TEX11: variants seen among roughly 807,000 people sequenced by gnomAD.
The protein encoded by TEX11 is testis expressed 11, also known as testis-expressed protein 11.
In TEX11, 7 loss-of-function variants were observed where a neutral mutation model predicts 84.4. The ratio of observed to expected loss-of-function variants is 0.08; its 90% CI spans 0.05 to 0.16. TEX11 has a LOEUF of 0.16. Among genes scored for constraint, TEX11 ranks in the 10% least tolerant of loss-of-function variants. TEX11 has a pLI of 1.00. For synonymous variants in TEX11, 264 were observed against 222.8 expected, an observed-to-expected ratio of 1.18 and a Z score of -1.64; for missense variants, 551 against 660.5, an observed-to-expected ratio of 0.83 and a Z score of 1.82.
At chrX:70,856,464 C>A (rs1174046984) in intron 5 of TEX11, among the ~76,000 whole-genome samples, 1 of 110,295 alleles carries the variant, frequency 9.1e-6, no homozygotes, top group Non-Finnish European at 1.9e-5. Context: ...TTGCATATAA[C>A]CTATACACAT....
chrX:70,593,056 A>AACACACACACAC (rs56116828), intron 24 of TEX11, among the ~76,000 whole-genome samples: 1 of 95,976 alleles, frequency 1.0e-5, no homozygotes, highest in African/African-American at 3.8e-5. Flanking sequence ...AGAGCATTTT[A>AACACACACACAC]ACACACACAC....
chrX:70,781,378 T>G (rs1372902275), intron 9 of TEX11, among the ~76,000 whole-genome samples: 1 of 111,877 alleles, frequency 8.9e-6, no homozygotes, highest in African/African-American at 3.2e-5. Context: ...GCAGAAAAAC[T>G]GAAAATTCTA....
chrX:70,881,204 G>A (rs1245047526), intron 2 of TEX11, among the ~76,000 whole-genome samples: 2 of 107,687 alleles, frequency 1.9e-5, no homozygotes, highest in African/African-American at 6.8e-5. Context: ...GTGCCCGCCT[G>A]TAATCCCAGC....
At chrX:70,723,736 G>A (rs2090578432) in intron 12 of TEX11, among the ~76,000 whole-genome samples, 1 of 111,544 alleles carries the variant, frequency 9.0e-6, no homozygotes, top group South Asian at 3.7e-4. Context: ...AAATTATTAT[G>A]TGCTATCCTT....
chrX:70,672,100 A>G (rs1372114547), intron 15 of TEX11, among the ~76,000 whole-genome samples: 3 of 109,103 alleles, frequency 2.7e-5, no homozygotes, highest in Non-Finnish European at 3.8e-5. Context: ...CAATGGAATC[A>G]TCTAATATGT....
chrX:70,738,685 A>T (rs924479123), intron 11 of TEX11, among the ~76,000 whole-genome samples: 5 of 112,244 alleles, frequency 4.5e-5, no homozygotes, highest in Non-Finnish European at 9.4e-5. Context: ...AATAGCAAGG[A>T]CTTGGAACCA....
rs186750267 is a variant in TEX11, at chrX:70,738,052, T to G, written c.843+2649A>C. On this transcript the variant is annotated intron_variant, in intron 11 of 29. Coordinates refer to ENST00000374333, the MANE Select transcript of TEX11 (RefSeq NM_031276.3). The stretch of plus-strand genomic sequence containing the variant: ...GACATAGGCATAGGCAAAGACTTCA[T>G]GTCTAAAACACCAAAAGCAATTCCA... Among the ~76,000 whole-genome samples, 78 of 112,059 alleles carry G rather than the reference T, an allele frequency of 7.0e-4. 1 individual carries two copies. The Middle Eastern group carries it at 0.018, about 26-fold the overall frequency.
intron 7 of TEX11, among the ~76,000 whole-genome samples, chrX:70,842,307 G>T (rs2091451020): frequency 9.0e-6 from 1 of 111,046 alleles, no homozygotes; most frequent in South Asian, 3.8e-4. Flanking sequence ...TTCATCCCTG[G>T]GATGCAAGGC....
chrX:70,816,736 A>C (rs947609630), intron 8 of TEX11, among the ~76,000 whole-genome samples: 10 of 109,692 alleles, frequency 9.1e-5, no homozygotes, highest in African/African-American at 3.0e-4. Context: ...AAAAAGTATT[A>C]TTCTTCCATC....
At chrX:70,846,291 G>A (rs953245096) in intron 7 of TEX11, 43 of 111,691 alleles carry the variant, frequency 3.8e-4, no homozygotes, top group African/African-American at 1.4e-3. Context: ...TGAAAGTATA[G>A]TCTTAAGACT....
intron 9 of TEX11, among the ~76,000 whole-genome samples, chrX:70,792,186 G>A (rs1187088793): frequency 1.1e-5 from 1 of 94,205 alleles, no homozygotes; most frequent in Non-Finnish European, 2.1e-5. Flanking sequence ...TATGCAGGAG[G>A]CTGAGGCAGG....
intron 28 of TEX11, among the ~76,000 whole-genome samples, chrX:70,537,646 T>C (rs2087979594): frequency 9.3e-6 from 1 of 108,018 alleles, no homozygotes; most frequent in Non-Finnish European, 1.9e-5. Flanking sequence ...AAAAGACGAG[T>C]GATTTGAAGT....
chrX:70,511,257 A>G, the TEX11 span, among the ~76,000 whole-genome samples: 6 of 112,034 alleles, frequency 5.4e-5, no homozygotes, highest in Non-Finnish European at 9.4e-5. Flanking sequence ...CATTCATTCA[A>G]CCAACACACA....
intron 5 of TEX11, among the ~76,000 whole-genome samples, chrX:70,856,835 T>C (rs192755167): frequency 1.3e-3 from 133 of 102,954 alleles, no homozygotes; most frequent in African/African-American, 4.8e-3. Flanking sequence ...AACAAATAAA[T>C]CCGTTCAACA....
intron 17 of TEX11, among the ~76,000 whole-genome samples, chrX:70,645,746 C>G (rs773233353): frequency 9.0e-6 from 1 of 110,985 alleles, no homozygotes; most frequent in Non-Finnish European, 1.9e-5. Flanking sequence ...ACACTAAAAA[C>G]TATAAAACAC....
chrX:70,691,032 T>C (rs1308933856), intron 13 of TEX11, among the ~76,000 whole-genome samples: 2 of 112,127 alleles, frequency 1.8e-5, no homozygotes, highest in African/African-American at 6.5e-5. Context: ...AAAGAACTTG[T>C]ACAGACATTT....
Position 70,654,729 on chromosome X carries a change from A to G in TEX11, c.1381-3177T>C, listed in dbSNP as rs959732779. ...TGTCTCAAAAAAAAAAAAAAAAAAAAAAAGAAATGACAAATAGAAAGCATA... is the reference window on the plus strand; with the variant it reads ...TGTCTCAAAAAAAAAAAAAAAAAAAGAAAGAAATGACAAATAGAAAGCATA... On this transcript the variant is annotated intron_variant, in intron 16 of 29. Coordinates refer to ENST00000374333, the MANE Select transcript of TEX11 (RefSeq NM_031276.3). Among the ~76,000 whole-genome samples, 185 of 105,774 alleles carry G rather than the reference A, an allele frequency of 1.7e-3. 5 individuals carry two copies. Among genetic ancestry groups the G allele is most frequent in the Non-Finnish European group, 5.8e-4 (30 of 51,808 alleles). 91.9% of individuals were successfully genotyped at this position (105,774 alleles called of 115,157 possible). A position where few individuals can be genotyped will look rare whatever the true frequency, so the allele number is the denominator to read the frequency against.
rs1232011719 is a variant in TEX11 at position 70,732,680 on chromosome X, T to C, written c.844-7337A>G. ...TACAAACAAATGGAAGAACATTCCATGCTCATGGGTAGGAAGAATCAATAT... is the reference window on the plus strand; with the variant it reads ...TACAAACAAATGGAAGAACATTCCACGCTCATGGGTAGGAAGAATCAATAT... On this transcript the variant is annotated intron_variant, in intron 11 of 29. Transcript: ENST00000374333. Among the ~76,000 whole-genome samples, 8 of 111,490 alleles carry C rather than the reference T, an allele frequency of 7.2e-5. No individual in the cohort carries two copies. In the East Asian group the frequency reaches 2.2e-3, roughly 31 times the overall value.
rs1475666525 is a variant in TEX11, at chrX:70,610,659, A to T, written c.1752-116T>A. ...GAACTAAGAAAATGCAAAATTGTGA[A>T]GTTTTTTGCTCAGGACTCCAATCTA... On this transcript the variant is annotated intron_variant, in intron 20 of 29. Coordinates refer to ENST00000374333, the MANE Select transcript of TEX11 (RefSeq NM_031276.3). The T allele has an allele frequency of 7.1e-6, 5 of 703,059 alleles. No homozygotes were observed. The African/African-American group carries it at 8.6e-5, about 12-fold the overall frequency. 57.9% of individuals were successfully genotyped at this position (703,059 alleles called of 1,213,427 possible). A position where few individuals can be genotyped will look rare whatever the true frequency, so the allele number is the denominator to read the frequency against.
Sources: allele counts gnomAD v4.1 joint callset (sites outside exome capture counted in the v4.1 genomes callset), GRCh38; gene constraint gnomAD v4.1.1; transcripts MANE v1.5; gene names NCBI Gene and HGNC (gene_info 2026-07-23, HGNC 2026-07-21).